DPYD: variants seen among roughly 807,000 people sequenced by gnomAD.
DPYD encodes dihydropyrimidine dehydrogenase [NADP(+)].
A neutral mutation model predicts 116.2 loss-of-function variants in DPYD; 109 were observed. The ratio of observed to expected loss-of-function variants is 0.94; its 90% CI spans 0.80 to 1.10. DPYD has a LOEUF of 1.10. Among genes scored for constraint, DPYD ranks in the 50% least tolerant of loss-of-function variants. The pLI is 0.00. For missense variants in DPYD, 1,302 were observed against 1,254.5 expected, an observed-to-expected ratio of 1.04 and a Z score of -0.57; for synonymous variants, 440 against 432.0, an observed-to-expected ratio of 1.02 and a Z score of -0.23.
intron 8 of DPYD, among the ~76,000 whole-genome samples, chr1:97,675,269 G>T (rs6692658): frequency 0.014 from 2,196 of 152,176 alleles, 47 homozygotes; most frequent in African/African-American, 0.05. Flanking sequence ...CCAATTCTAC[G>T]TCTCAATATT....
intron 10 of DPYD, among the ~76,000 whole-genome samples, chr1:97,591,342 T>C (rs528272619): frequency 2.6e-5 from 4 of 152,250 alleles, no homozygotes; most frequent in Non-Finnish European, 5.9e-5. Flanking sequence ...TGTTTAATTA[T>C]TGGGTATCTT....
At chr1:97,822,730 G>A (rs894661743) in intron 3 of DPYD, among the ~76,000 whole-genome samples, 1 of 152,142 alleles carries the variant, frequency 6.6e-6, no homozygotes, top group Non-Finnish European at 1.5e-5. Flanking sequence ...CCATCTGTGA[G>A]AATGGCTGTC....
chr1:97,714,172 A>C (rs190686982), intron 5 of DPYD, among the ~76,000 whole-genome samples: 256 of 152,154 alleles, frequency 1.7e-3, no homozygotes, highest in African/African-American at 5.7e-3. Context: ...CTGCAGATAA[A>C]CACTTAACGC....
chr1:97,749,133 G>T (rs1005117810), intron 3 of DPYD, among the ~76,000 whole-genome samples: 4 of 152,090 alleles, frequency 2.6e-5, no homozygotes. Context: ...TATCTAATGA[G>T]ATGGCAACAA....
At chr1:97,379,327 G>C (rs1438051225) in intron 15 of DPYD, among the ~76,000 whole-genome samples, 1 of 152,212 alleles carries the variant, frequency 6.6e-6, no homozygotes, top group Non-Finnish European at 1.5e-5. Flanking sequence ...AATTAGGAAA[G>C]ATGGAAAGAA....
chr1:97,788,188 G>C (rs992852887), intron 3 of DPYD, among the ~76,000 whole-genome samples: 2 of 152,144 alleles, frequency 1.3e-5, no homozygotes, highest in African/African-American at 4.8e-5. Context: ...ACAGAGACTT[G>C]GGACCTTCAT....
intron 2 of DPYD, among the ~76,000 whole-genome samples, chr1:97,882,613 T>C (rs1672285576): frequency 1.3e-5 from 2 of 152,034 alleles, no homozygotes; most frequent in African/African-American, 4.8e-5. Context: ...AAGATGGAAT[T>C]TCTAACATCA....
chr1:97,291,635 A>T (rs1340353763), intron 18 of DPYD, among the ~76,000 whole-genome samples: 1 of 152,008 alleles, frequency 6.6e-6, no homozygotes, highest in Non-Finnish European at 1.5e-5. Context: ...GGAATTGAAC[A>T]ATGAGAACAC....
At chr1:97,173,232 G>A (rs989511869) in intron 20 of DPYD, among the ~76,000 whole-genome samples, 3 of 83,750 alleles carry the variant, frequency 3.6e-5, no homozygotes, top group East Asian at 7.0e-4. Context: ...GTACATATAT[G>A]CGCACACATA....
At chr1:97,257,484 G>A (rs1436900098) in intron 18 of DPYD, among the ~76,000 whole-genome samples, 1 of 150,190 alleles carries the variant, frequency 6.7e-6, no homozygotes. Context: ...GAGCACGTGA[G>A]TTATGTAAAT....
intron 7 of DPYD, among the ~76,000 whole-genome samples, chr1:97,680,548 A>G (rs1472312062): frequency 6.6e-6 from 1 of 152,212 alleles, no homozygotes; most frequent in Non-Finnish European, 1.5e-5. Flanking sequence ...CAATTACAGA[A>G]GGAGATCAGA....
At chr1:97,313,561 C>T (rs1667640322) in intron 16 of DPYD, among the ~76,000 whole-genome samples, 1 of 151,370 alleles carries the variant, frequency 6.6e-6, no homozygotes, top group Non-Finnish European at 1.5e-5. Context: ...ATGACATAGA[C>T]CCACCTGTGT....
At chr1:97,723,482 A>C (rs1049461500) in intron 4 of DPYD, among the ~76,000 whole-genome samples, 2 of 151,072 alleles carry the variant, frequency 1.3e-5, no homozygotes, top group Non-Finnish European at 3.0e-5. Flanking sequence ...CACACACACA[A>C]AAGTTCTTTT....
At chr1:97,212,393 G>T (rs1365939723) in intron 19 of DPYD, among the ~76,000 whole-genome samples, 6 of 151,912 alleles carry the variant, frequency 3.9e-5, no homozygotes. Flanking sequence ...TGCTATTATG[G>T]TGTCAGTCTA....
At chr1:97,525,851 C>T (rs1056861368) in intron 12 of DPYD, among the ~76,000 whole-genome samples, 5 of 139,014 alleles carry the variant, frequency 3.6e-5, no homozygotes, top group African/African-American at 5.5e-5. Flanking sequence ...AAGTAATTGC[C>T]CTGGGTAATT....
intron 16 of DPYD, among the ~76,000 whole-genome samples, chr1:97,309,542 A>T (rs1667374388): frequency 6.6e-6 from 1 of 151,816 alleles, no homozygotes; most frequent in Non-Finnish European, 1.5e-5. Flanking sequence ...GGTCTTGAGG[A>T]TACTACATAA....
At chr1:97,525,792 G>GT (rs1649019887) in intron 12 of DPYD, among the ~76,000 whole-genome samples, 1 of 150,924 alleles carries the variant, frequency 6.6e-6, no homozygotes, top group South Asian at 2.1e-4. Flanking sequence ...GAGAGAGAGT[G>GT]TGTGTGTGTT....
chr1:97,111,368 A>G (rs976870148), intron 20 of DPYD, among the ~76,000 whole-genome samples: 4 of 151,966 alleles, frequency 2.6e-5, no homozygotes, highest in African/African-American at 7.2e-5. Context: ...GCCCCTGCCC[A>G]CCTCTTCAAT....
chr1:97,623,500 T>G (rs1656745938), intron 8 of DPYD, among the ~76,000 whole-genome samples: 1 of 151,998 alleles, frequency 6.6e-6, no homozygotes, highest in Non-Finnish European at 1.5e-5. Flanking sequence ...GATAGAAACA[T>G]TTTAATGAGG....
Sources: gnomAD v4.1 joint callset for allele counts (sites outside exome capture counted in the v4.1 genomes callset) on GRCh38, gnomAD v4.1.1 for gene constraint, MANE v1.5 for transcripts, NCBI Gene and HGNC (gene_info 2026-07-23, HGNC 2026-07-21) for gene names.